Variants in CAMKMT observed in about 807,000 individuals in gnomAD.
CAMKMT encodes calmodulin-lysine N-methyltransferase.
Under a neutral mutation model 48.0 loss-of-function variants are expected in CAMKMT, and 53 were observed. The ratio of observed to expected loss-of-function variants is 1.10; its 90% CI spans 0.89 to 1.39. CAMKMT has a LOEUF of 1.39. Ranked by LOEUF, CAMKMT falls within the 40% of genes most tolerant of loss-of-function variation. The pLI is 0.00. For missense variants in CAMKMT, 428 were observed against 402.7 expected (o/e 1.06, Z -0.54); for synonymous variants, 165 against 152.3 (o/e 1.08, Z -0.61).
chr2:44,754,078 C>A lies in CAMKMT; in HGVS notation c.722C>A (p.Ala241Asp). The change falls in exon 9 of 11, where the codon GCC (alanine) becomes GAC (aspartate). Residue 241 changes from alanine (A) to aspartate (D), a missense_variant. Coordinates refer to ENST00000378494, the MANE Select transcript of CAMKMT (RefSeq NM_024766.5). ...AGCCTGTTTCTGGACCAGTACAGAG[C>A]CAGCCTTGTTGATGCAATAAAGAGA... ...ADCLFLDQYR[A>D]SLVDAIKRLL... 6.2e-7 allele frequency: 1 copy of A among 1,613,962 alleles called. No homozygotes were observed.
intron 2 of CAMKMT, among the ~76,000 whole-genome samples, chr2:44,378,814 T>C (rs1372881750): frequency 1.3e-5 from 2 of 152,138 alleles, no homozygotes; most frequent in African/African-American, 2.4e-5. Context: ...TTTAAAACCT[T>C]CTGAAAACCT....
chr2:44,388,063 G>C (rs1297372367), intron 2 of CAMKMT, among the ~76,000 whole-genome samples: 1 of 152,200 alleles, frequency 6.6e-6, no homozygotes, highest in South Asian at 2.1e-4. Context: ...TGGATGTCTA[G>C]GTCTCTAGCA....
At chr2:44,750,540 A>G (rs996864983) in intron 8 of CAMKMT, among the ~76,000 whole-genome samples, 1 of 152,166 alleles carries the variant, frequency 6.6e-6, no homozygotes, top group Non-Finnish European at 1.5e-5. Context: ...TTGCTTTGCA[A>G]AAGACACAGC....
intron 3 of CAMKMT, among the ~76,000 whole-genome samples, chr2:44,503,170 G>A (rs891539712): frequency 6.6e-6 from 1 of 151,988 alleles, no homozygotes; most frequent in Non-Finnish European, 1.5e-5. Flanking sequence ...TTTTGTTAGT[G>A]TAATAACCAA....
At position 44,669,022 on chromosome 2, in the gene CAMKMT, A is replaced by G. The variant is rs536827452; in HGVS notation, c.377-35261A>G. Among the ~76,000 whole-genome samples, 5 of 152,242 alleles carry G rather than the reference A, an allele frequency of 3.3e-5. No individual in the cohort carries two copies. The South Asian group carries it at 6.2e-4, about 19-fold the overall frequency. ...GGTCTTGAACTCCAGAGCTCAGGCA[A>G]TCCACCCACTTCAGCCTCCCACAGT... On this transcript the variant is annotated intron_variant, in intron 3 of 10. Transcript: ENST00000378494.
intron 3 of CAMKMT, among the ~76,000 whole-genome samples, chr2:44,512,799 C>G (rs1209827656): frequency 1.3e-5 from 2 of 151,938 alleles, no homozygotes; most frequent in Non-Finnish European, 2.9e-5. Flanking sequence ...TTTATATTTT[C>G]AATGTTTTTT....
intron 3 of CAMKMT, among the ~76,000 whole-genome samples, chr2:44,457,489 C>A (rs939018890): frequency 1.3e-5 from 2 of 151,804 alleles, no homozygotes; most frequent in Non-Finnish European, 2.9e-5. Context: ...ACCTCCACCC[C>A]CCGGGTTCAA....
At chr2:44,621,492 A>G (rs897546545) in intron 3 of CAMKMT, among the ~76,000 whole-genome samples, 3 of 152,182 alleles carry the variant, frequency 2.0e-5, no homozygotes, top group Non-Finnish European at 4.4e-5. Flanking sequence ...ACTGAGATCT[A>G]AAGGATGAGA....
intron 3 of CAMKMT, among the ~76,000 whole-genome samples, chr2:44,552,654 T>G (rs971562199): frequency 6.6e-6 from 1 of 152,202 alleles, no homozygotes; most frequent in Non-Finnish European, 1.5e-5. Flanking sequence ...CATTTAATTC[T>G]TACAACTGTT....
chr2:44,520,790 G>C (rs1671063937), intron 3 of CAMKMT, among the ~76,000 whole-genome samples: 1 of 152,108 alleles, frequency 6.6e-6, no homozygotes, highest in African/African-American at 2.4e-5. Flanking sequence ...TGGATCATGG[G>C]GGCAGTTCCC....
intron 3 of CAMKMT, among the ~76,000 whole-genome samples, chr2:44,418,192 C>CAAA (rs70965353): frequency 8.4e-6 from 1 of 118,824 alleles, no homozygotes. Flanking sequence ...AACTCTGTCT[C>CAAA]AAAAAAAAAA....
At chr2:44,715,902 C>G (rs2104304458) in intron 7 of CAMKMT, among the ~76,000 whole-genome samples, 1 of 152,262 alleles carries the variant, frequency 6.6e-6, no homozygotes, top group South Asian at 2.1e-4. Context: ...AGAAACCCTG[C>G]TCTGTTTCAT....
At chr2:44,760,626 AAAAG>A (rs1413855151) in intron 9 of CAMKMT, among the ~76,000 whole-genome samples, 1 of 151,924 alleles carries the variant, frequency 6.6e-6, no homozygotes, top group Admixed American at 6.6e-5. Flanking sequence ...AAAAAAAAAA[AAAAG>A]AGTTAGGAAT....
At chr2:44,382,354 A>G (rs930309714) in intron 2 of CAMKMT, among the ~76,000 whole-genome samples, 9 of 152,124 alleles carry the variant, frequency 5.9e-5, no homozygotes, top group Non-Finnish European at 7.4e-5. Context: ...AGAGAAGACA[A>G]AGAATCATTA....
intron 3 of CAMKMT, among the ~76,000 whole-genome samples, chr2:44,408,053 G>A (rs1283898701): frequency 7.2e-6 from 1 of 139,566 alleles, no homozygotes; most frequent in East Asian, 2.1e-4. Flanking sequence ...TTGAGATGGA[G>A]TCTCACTCTG....
intron 3 of CAMKMT, among the ~76,000 whole-genome samples, chr2:44,446,947 G>A (rs779443433): frequency 2.0e-5 from 3 of 152,096 alleles, no homozygotes; most frequent in Non-Finnish European, 4.4e-5. Context: ...TTCCACGTTA[G>A]CATTTATGAA....
At chr2:44,505,958 C>G (rs992965001) in intron 3 of CAMKMT, among the ~76,000 whole-genome samples, 1 of 152,054 alleles carries the variant, frequency 6.6e-6, no homozygotes, top group African/African-American at 2.4e-5. Flanking sequence ...ACCTCCTCCT[C>G]TCGGGTTCAA....
intron 9 of CAMKMT, among the ~76,000 whole-genome samples, chr2:44,760,358 G>C (rs1004799535): frequency 1.3e-5 from 2 of 151,970 alleles, no homozygotes; most frequent in African/African-American, 2.4e-5. Flanking sequence ...TTGAGGTTAG[G>C]GTTGGGGAAG....
intron 3 of CAMKMT, among the ~76,000 whole-genome samples, chr2:44,533,944 A>G (rs895997419): frequency 2.6e-5 from 4 of 152,348 alleles, no homozygotes; most frequent in South Asian, 2.1e-4. Flanking sequence ...GGCTGAATGA[A>G]TTACAAAACA....
Sources: gnomAD v4.1 joint callset for allele counts (sites outside exome capture counted in the v4.1 genomes callset) on GRCh38, gnomAD v4.1.1 for gene constraint, MANE v1.5 for transcripts, NCBI Gene and HGNC (gene_info 2026-07-23, HGNC 2026-07-21) for gene names.